Variants in THSD7A observed in about 807,000 individuals in gnomAD.
The protein encoded by THSD7A is thrombospondin type-1 domain-containing protein 7A.
THSD7A carries 96 observed loss-of-function variants against 231.3 expected under a neutral mutation model. The observed-to-expected ratio is 0.41, with a 90% CI of 0.35 to 0.49. The LOEUF is 0.49. THSD7A is among the 20% of genes least tolerant of loss of function. The pLI, the probability that THSD7A is intolerant of heterozygous loss-of-function variation, is 0.05. For missense variants in THSD7A, 2,290 were observed against 2,070.2 expected (o/e 1.11, Z -2.06); for synonymous variants, 940 against 743.3 (o/e 1.26, Z -4.30).
chr7:11,417,562 T>A lies in THSD7A; in HGVS notation c.3425A>T (p.Glu1142Val). 1 of 1,613,190 alleles carries A rather than the reference T, an allele frequency of 6.2e-7. No individual in the cohort carries two copies. The highest frequency in any genetic ancestry group is 8.5e-7 in the Non-Finnish European group (1 of 1,179,606). Residue 1142 changes from glutamate (E) to valine (V), a missense_variant, in exon 17 of 28, where the codon GAG becomes GTG. Physicochemically the swap from Glu to Val is moderately radical, Grantham distance 121. Transcript: ENST00000423059. ...NTADGPSEHVEDYLCDPEEMP... is the reference protein window; with the variant it reads ...NTADGPSEHVVDYLCDPEEMP... ...CTCTTCTGGGTCACAGAGGTAATCC[T>A]CTACATGTTCAGAAGGGCCATCTGC... is the stretch of plus-strand genomic sequence containing the variant.
intron 1 of THSD7A, among the ~76,000 whole-genome samples, chr7:11,688,308 G>A (rs1172692826): frequency 1.3e-5 from 2 of 151,738 alleles, no homozygotes; most frequent in African/African-American, 4.8e-5. Flanking sequence ...ACTAATGCCT[G>A]GGCGTCACCC....
At chr7:11,520,421 T>A (rs1788214461) in intron 6 of THSD7A, among the ~76,000 whole-genome samples, 2 of 152,214 alleles carry the variant, frequency 1.3e-5, no homozygotes, top group African/African-American at 4.8e-5. Context: ...TCTATAAGTT[T>A]TGATAGTATG....
At chr7:11,616,469 A>G (rs1270868908) in intron 2 of THSD7A, among the ~76,000 whole-genome samples, 1 of 152,152 alleles carries the variant, frequency 6.6e-6, no homozygotes, top group Non-Finnish European at 1.5e-5. Flanking sequence ...TTGATCCAAA[A>G]CTATTTAGAG....
chr7:11,462,189 A>G (rs371120225), intron 9 of THSD7A, 46 bp from the exon 10 acceptor site: 274 of 1,601,544 alleles, frequency 1.7e-4, no homozygotes, highest in Non-Finnish European at 2.0e-4. Flanking sequence ...CACTGATGAG[A>G]TAATCTCTAA....
chr7:11,476,213 AT>A (rs1382638506), intron 7 of THSD7A, among the ~76,000 whole-genome samples: 1 of 151,810 alleles, frequency 6.6e-6, no homozygotes. Flanking sequence ...ACTTTAAAAT[AT>A]TTTTTGAGAC....
chr7:11,513,756 T>G (rs1248652809), intron 6 of THSD7A, among the ~76,000 whole-genome samples: 1 of 152,254 alleles, frequency 6.6e-6, no homozygotes, highest in Non-Finnish European at 1.5e-5. Flanking sequence ...AATGCCACTG[T>G]ATTGTGCACT....
At chr7:11,490,532 A>G (rs960220264) in intron 6 of THSD7A, among the ~76,000 whole-genome samples, 1 of 152,078 alleles carries the variant, frequency 6.6e-6, no homozygotes, top group South Asian at 2.1e-4. Flanking sequence ...TTTAATGCCA[A>G]CTATCATGGT....
At chr7:11,668,481 CAGAA>C (rs776994000) in intron 1 of THSD7A, among the ~76,000 whole-genome samples, 18 of 28,750 alleles carry the variant, frequency 6.3e-4, no homozygotes, top group Non-Finnish European at 1.0e-3. Flanking sequence ...AAAAGAAAGA[CAGAA>C]AGAAAGAGAG....
At position 11,512,934 on chromosome 7, in the gene THSD7A, G is replaced by A. The variant is rs548282851; in HGVS notation, c.1822+28485C>T. 2.2e-3 allele frequency among the ~76,000 whole-genome samples: 125 copies of A among 57,030 alleles called. 3 individuals are homozygous for A. The South Asian group carries it at 0.055, about 25-fold the overall frequency. The allele number at this position is 57,030 out of a possible 152,430, so 37.4% of individuals were successfully genotyped here. Reference sequence around the variant, plus strand: ...CTAGAACTTAAAGTATAATAAAAAAGAAACTATGATATATATATATATATA... The same window carrying A: ...CTAGAACTTAAAGTATAATAAAAAAAAAACTATGATATATATATATATATA... On this transcript the variant is annotated intron_variant, in intron 6 of 27. Transcript: ENST00000423059.
intron 4 of THSD7A, among the ~76,000 whole-genome samples, chr7:11,580,306 T>C (rs986110814): frequency 5.3e-5 from 8 of 151,930 alleles, no homozygotes; most frequent in African/African-American, 1.9e-4. Flanking sequence ...AGAAAAAAAA[T>C]TCACCTGAGG....
Position 11,550,988 on chromosome 7 carries a change from C to CA in THSD7A, c.1454-7872dup, listed in dbSNP as rs535473767. On this transcript the variant is annotated intron_variant, in intron 4 of 27. Transcript: ENST00000423059. ...TAACCAAAACAGCACGGTACTGATT[C>CA]AAAAACAGACACATAAATCAATGGA... is the stretch of plus-strand genomic sequence containing the variant. Among the ~76,000 whole-genome samples, 9 of 152,128 alleles carry CA rather than the reference C, an allele frequency of 5.9e-5. No homozygotes were observed. In the South Asian group the frequency reaches 1.2e-3, roughly 21 times the overall value.
At chr7:11,495,816 T>C (rs1315640303) in intron 6 of THSD7A, among the ~76,000 whole-genome samples, 1 of 152,114 alleles carries the variant, frequency 6.6e-6, no homozygotes, top group Non-Finnish European at 1.5e-5. Flanking sequence ...ATAAGCTACT[T>C]TGCTTGAGTT....
chr7:11,577,674 G>C (rs1274254525), intron 4 of THSD7A, among the ~76,000 whole-genome samples: 3 of 151,002 alleles, frequency 2.0e-5, no homozygotes, highest in African/African-American at 7.3e-5. Context: ...AACAACAAGG[G>C]CTAAGTTTTC....
intron 18 of THSD7A, among the ~76,000 whole-genome samples, chr7:11,412,423 C>G (rs1422952409): frequency 6.6e-6 from 1 of 152,248 alleles, no homozygotes; most frequent in East Asian, 1.9e-4. Context: ...ATATTCACAA[C>G]CTACTTTAAG....
chr7:11,727,617 A>C (rs956245629), intron 1 of THSD7A, among the ~76,000 whole-genome samples: 1 of 152,034 alleles, frequency 6.6e-6, no homozygotes, highest in Non-Finnish European at 1.5e-5. Context: ...ATACTATATA[A>C]GAGTTTCCTG....
At chr7:11,675,027 C>G (rs1286472470) in intron 1 of THSD7A, among the ~76,000 whole-genome samples, 1 of 152,136 alleles carries the variant, frequency 6.6e-6, no homozygotes. Flanking sequence ...GAGAGACCAA[C>G]ACGGAAGGTG....
chr7:11,397,864 C>T (rs1191183744), intron 23 of THSD7A, among the ~76,000 whole-genome samples: 1 of 152,114 alleles, frequency 6.6e-6, no homozygotes, highest in Admixed American at 6.5e-5. Context: ...CATCTCACAC[C>T]AATTAGAATA....
At chr7:11,395,778 G>A (rs899267597) in intron 23 of THSD7A, among the ~76,000 whole-genome samples, 10 of 151,906 alleles carry the variant, frequency 6.6e-5, no homozygotes, top group Admixed American at 2.6e-4. Context: ...CGCCCGCCTC[G>A]GCCTCCCAAA....
chr7:11,549,783 G>T (rs2354960), intron 4 of THSD7A, among the ~76,000 whole-genome samples: 12 of 151,706 alleles, frequency 7.9e-5, no homozygotes, highest in Non-Finnish European at 1.5e-4. Flanking sequence ...AGTGTGGTTG[G>T]GGGGAGCATC....
Sources: gnomAD v4.1 joint callset for allele counts (sites outside exome capture counted in the v4.1 genomes callset) on GRCh38, gnomAD v4.1.1 for gene constraint, MANE v1.5 for transcripts, NCBI Gene and HGNC (gene_info 2026-07-23, HGNC 2026-07-21) for gene names.